The following COL22A1 variants were observed in gnomAD, a reference collection of about 807,000 sequenced individuals.
The protein encoded by COL22A1 is collagen alpha-1(XXII) chain.
Under a neutral mutation model 248.9 loss-of-function variants are expected in COL22A1, and 221 were observed. That is an observed-to-expected ratio of 0.89 (90% confidence interval 0.80 to 0.99). The LOEUF (loss-of-function observed/expected upper bound fraction) is 0.99. Ranked by LOEUF, COL22A1 falls within the 50% of genes least tolerant of loss-of-function variation. The pLI is 0.00. For missense variants in COL22A1, 2,240 were observed against 2,179.0 expected, an observed-to-expected ratio of 1.03 and a Z score of -0.56; for synonymous variants, 891 against 793.4, an observed-to-expected ratio of 1.12 and a Z score of -2.07.
At chr8:138,792,261 G>A (rs1388690388) in intron 12 of COL22A1, among the ~76,000 whole-genome samples, 2 of 152,292 alleles carry the variant, frequency 1.3e-5, no homozygotes, top group Non-Finnish European at 1.5e-5. Flanking sequence ...ATCCCTGCCT[G>A]AAAGGCCACC....
intron 3 of COL22A1, among the ~76,000 whole-genome samples, chr8:138,866,472 T>C (rs1822904887): frequency 6.6e-6 from 1 of 152,270 alleles, no homozygotes; most frequent in African/African-American, 2.4e-5. Flanking sequence ...TTTAGGTGTA[T>C]GTCCTTTTAC....
At chr8:138,871,365 CT>C (rs1257280190) in intron 3 of COL22A1, among the ~76,000 whole-genome samples, 1 of 152,200 alleles carries the variant, frequency 6.6e-6, no homozygotes. Flanking sequence ...GAGAACAGTC[CT>C]GCTCCCACTC....
chr8:138,716,034 A>T (rs1829404260), intron 29 of COL22A1, among the ~76,000 whole-genome samples, 193 bp downstream of exon 29: 1 of 152,034 alleles, frequency 6.6e-6, no homozygotes, highest in Non-Finnish European at 1.5e-5. Flanking sequence ...TCTCCCAGCA[A>T]TGGTCCTTTG....
chr8:138,809,830 A>G (rs921359908), intron 9 of COL22A1, among the ~76,000 whole-genome samples: 10 of 152,008 alleles, frequency 6.6e-5, no homozygotes, highest in African/African-American at 2.4e-4. Context: ...CCATCCACGT[A>G]TCTGTCCATC....
chr8:138,805,496 TGTGTGTGTGATG>T (rs1345803387), intron 10 of COL22A1, among the ~76,000 whole-genome samples: 1,567 of 93,132 alleles, frequency 0.017, 49 homozygotes, highest in African/African-American at 0.087. Context: ...TGTGATGGTG[TGTGTGTGTGATG>T]GTGTGTGTGT....
chr8:138,688,150 G>T (rs1826512117), intron 37 of COL22A1, among the ~76,000 whole-genome samples: 1 of 148,764 alleles, frequency 6.7e-6, no homozygotes, highest in South Asian at 2.2e-4. Flanking sequence ...ACTTAAAAGG[G>T]TGTAGATTCT....
At chr8:138,745,718 T>C (rs1259248215) in intron 22 of COL22A1, among the ~76,000 whole-genome samples, 1 of 152,202 alleles carries the variant, frequency 6.6e-6, no homozygotes, top group East Asian at 1.9e-4. Context: ...TTGAGGTGGA[T>C]GATTCGGGCA....
At chr8:138,716,325 A>C in intron 28 of COL22A1, 36 bp from the exon 29 acceptor site, 3 of 1,507,840 alleles carry the variant, frequency 2.0e-6, no homozygotes, top group Non-Finnish European at 2.7e-6. Context: ...CGTCAACAGG[A>C]AGGCTCTCCC....
At chr8:138,903,055 C>G (rs1243309807) in intron 1 of COL22A1, among the ~76,000 whole-genome samples, 1 of 152,112 alleles carries the variant, frequency 6.6e-6, no homozygotes, top group Non-Finnish European at 1.5e-5. Context: ...CGCGAATTGT[C>G]TCAAGGTCTG....
intron 15 of COL22A1, 140 bp from the exon 16 acceptor site, chr8:138,776,150 C>T (rs1407526379): frequency 1.3e-6 from 1 of 787,450 alleles, no homozygotes; most frequent in Non-Finnish European, 2.2e-6. Flanking sequence ...CCCTGTCTCC[C>T]TGTGTAGTCT....
chr8:138,770,411 G>A (rs910785697), intron 16 of COL22A1, among the ~76,000 whole-genome samples: 2 of 152,218 alleles, frequency 1.3e-5, no homozygotes, highest in African/African-American at 4.8e-5. Context: ...AGAGCCTTCA[G>A]TTACCTCACT....
At position 138,623,766 on chromosome 8, in the gene COL22A1, C is replaced by T. The variant is rs759134322; in HGVS notation, c.3737G>A (p.Gly1246Asp). Residue 1246 changes from glycine to aspartate, a missense_variant, in exon 52 of 65, where the codon GGC becomes GAC. Physicochemically the swap from Gly to Asp is moderately conservative, Grantham distance 94 (BLOSUM62 -1). Coordinates refer to ENST00000303045, the MANE Select transcript of COL22A1 (RefSeq NM_152888.3). ...AGGGGGACCCGGCTTTCCATCTCTG[C>T]CCTCTTTGCCTTCTTCTCCCTGCAA... ...PGIPGEEGKE[G>D]RDGKPGPPGE... 6.2e-7 allele frequency: 1 copy of T among 1,612,706 alleles called. No homozygotes were observed. The highest frequency in any genetic ancestry group is 8.5e-7 in the Non-Finnish European group (1 of 1,179,386).
intron 3 of COL22A1, among the ~76,000 whole-genome samples, chr8:138,859,336 CT>C (rs1280807178): frequency 1.3e-5 from 2 of 152,210 alleles, no homozygotes; most frequent in Non-Finnish European, 2.9e-5. Context: ...TCAGGCCCCC[CT>C]GAACACCATG....
intron 3 of COL22A1, among the ~76,000 whole-genome samples, chr8:138,871,592 G>A (rs1027118262): frequency 2.6e-5 from 4 of 152,192 alleles, no homozygotes; most frequent in Non-Finnish European, 5.9e-5. Context: ...TCTGGAAAGT[G>A]TCACCCTTAA....
intron 7 of COL22A1, among the ~76,000 whole-genome samples, chr8:138,820,676 A>T (rs1819040729): frequency 6.6e-6 from 1 of 152,168 alleles, no homozygotes; most frequent in Non-Finnish European, 1.5e-5. Flanking sequence ...TAAATTTATC[A>T]GAAACTATTA....
intron 4 of COL22A1, among the ~76,000 whole-genome samples, chr8:138,835,792 T>G (rs1210625159): frequency 1.3e-5 from 2 of 151,898 alleles, no homozygotes; most frequent in Non-Finnish European, 2.9e-5. Context: ...TCAACCTCTC[T>G]GGGCTTATTT....
intron 3 of COL22A1, among the ~76,000 whole-genome samples, chr8:138,851,103 GTGTGCAGGC>G (rs1208960147): frequency 6.6e-6 from 1 of 152,204 alleles, no homozygotes; most frequent in Non-Finnish European, 1.5e-5. Flanking sequence ...GTCAGCCATG[GTGTGCAGGC>G]TGTGCCATGG....
At chr8:138,802,024 C>T (rs1407032225) in intron 11 of COL22A1, among the ~76,000 whole-genome samples, 3 of 152,196 alleles carry the variant, frequency 2.0e-5, no homozygotes, top group Non-Finnish European at 4.4e-5. Context: ...GAGGTTAGTG[C>T]TTCCACCAGG....
chr8:138,726,410 T>C (rs1240817157), intron 23 of COL22A1, among the ~76,000 whole-genome samples: 1 of 150,008 alleles, frequency 6.7e-6, no homozygotes, highest in African/African-American at 2.5e-5. Context: ...GGCGAGAGGA[T>C]TGTTTGAGAC....
Sources: gnomAD v4.1 joint callset for allele counts (sites outside exome capture counted in the v4.1 genomes callset) on GRCh38, gnomAD v4.1.1 for gene constraint, MANE v1.5 for transcripts, NCBI Gene and HGNC (gene_info 2026-07-23, HGNC 2026-07-21) for gene names.